NR3C1: variants seen among roughly 807,000 people sequenced by gnomAD.
The protein encoded by NR3C1 is glucocorticoid receptor.
NR3C1 carries 14 observed loss-of-function variants against 74.0 expected under a neutral mutation model. The ratio of observed to expected loss-of-function variants is 0.19; its 90% CI spans 0.12 to 0.30. The LOEUF is 0.30. Among genes scored for constraint, NR3C1 ranks in the 10% least tolerant of loss-of-function variants. The pLI is 1.00. For synonymous variants in NR3C1, 308 were observed against 332.5 expected, an observed-to-expected ratio of 0.93 and a Z score of 0.80; for missense variants, 695 against 909.8, an observed-to-expected ratio of 0.76 and a Z score of 3.04.
At chr5:143,393,396 A>G (rs1256246985) in intron 2 of NR3C1, among the ~76,000 whole-genome samples, 2 of 152,158 alleles carry the variant, frequency 1.3e-5, no homozygotes, top group Non-Finnish European at 2.9e-5. Flanking sequence ...AGTTGTAAAG[A>G]AAGTATTTTT....
intron 7 of NR3C1, among the ~76,000 whole-genome samples, chr5:143,284,394 G>A (rs376975220): frequency 1.3e-5 from 2 of 152,106 alleles, no homozygotes; most frequent in Non-Finnish European, 2.9e-5. Context: ...CAAGACATCA[G>A]TATTAACATG....
At chr5:143,341,912 G>A (rs952945968) in intron 2 of NR3C1, among the ~76,000 whole-genome samples, 1 of 152,116 alleles carries the variant, frequency 6.6e-6, no homozygotes, top group African/African-American at 2.4e-5. Context: ...AATACAGAGA[G>A]GGAGGAGGGG....
chr5:143,391,993 ACTCG>A (rs1838318123), intron 2 of NR3C1, among the ~76,000 whole-genome samples: 1 of 148,798 alleles, frequency 6.7e-6, no homozygotes, highest in Non-Finnish European at 1.5e-5. Flanking sequence ...TGAGACGGAG[ACTCG>A]CTCTGTCGCC....
intron 2 of NR3C1, among the ~76,000 whole-genome samples, chr5:143,314,631 A>AT (rs1434653004): frequency 3.9e-5 from 6 of 152,032 alleles, no homozygotes; most frequent in African/African-American, 1.4e-4. Context: ...TTAGGCCATA[A>AT]TTTTTTTCCT....
At position 143,400,648 on chromosome 5, in the gene NR3C1, A is replaced by C. The variant is rs924576585; in HGVS notation, c.192T>G (p.Asp64Glu). 9.3e-6 allele frequency: 15 copies of C among 1,613,900 alleles called. No homozygotes were observed. Among genetic ancestry groups the C allele is most frequent in the Middle Eastern group, 1.6e-4 (1 of 6,084 alleles). The change falls in exon 2 of 9, where the codon GAT (aspartate) becomes GAG (glutamate). Residue 64 changes from aspartate (D) to glutamate (E), a missense_variant. Transcript: ENST00000394464. ...SDSKQRRLLV[D>E]FPKGSVSNAQ... Reference sequence around the variant, plus strand: ...CATTGCTTACTGAGCCTTTTGGAAAATCAACCAAAAGTCTTCGCTGCTTGG... The same window carrying C: ...CATTGCTTACTGAGCCTTTTGGAAACTCAACCAAAAGTCTTCGCTGCTTGG...
intron 7 of NR3C1, 42 bp from the exon 8 acceptor site, chr5:143,282,767 CTTTTCTTTTCTTTTTT>C (rs780915506): frequency 1.4e-6 from 2 of 1,480,192 alleles, no homozygotes; most frequent in South Asian, 1.3e-5. Context: ...TTTTCTTTTT[CTTTTCTTTTCTTTTTT>C]TTTTTTTTTT....
At chr5:143,435,013 A>G in exon 1 of NR3C1, 1 of 985,068 alleles carries the variant, frequency 1.0e-6, no homozygotes, top group Non-Finnish European at 1.2e-6. Flanking sequence ...TGAATTTCCT[A>G]GTTCAGCTCA....
chr5:143,405,098 C>T, upstream of NR3C1: 1 of 985,316 alleles, frequency 1.0e-6, no homozygotes, highest in Non-Finnish European at 1.2e-6. Context: ...GCTCCCTTCC[C>T]CAGCTCGCCG....
Position 143,340,656 on chromosome 5 carries a change from T to C in NR3C1, c.1185-26488A>G, listed in dbSNP as rs369763622. Among the ~76,000 whole-genome samples the C allele has an allele frequency of 6.3e-4, 95 of 151,898 alleles. 1 individual carries two copies. Among genetic ancestry groups the C allele is most frequent in the African/African-American group, 2.2e-3 (91 of 41,400 alleles). On this transcript the variant is annotated intron_variant, in intron 2 of 8. Coordinates refer to ENST00000394464, the MANE Select transcript of NR3C1 (RefSeq NM_000176.3). ...CGCCACCACGCCCAGCTATTTTTTG[T>C]ATTTTTAGTAGAGACAGGGTTTCAC...
At chr5:143,329,042 C>T (rs1042512965) in intron 2 of NR3C1, among the ~76,000 whole-genome samples, 3 of 152,138 alleles carry the variant, frequency 2.0e-5, no homozygotes, top group Admixed American at 6.6e-5. Flanking sequence ...CCTGCCAGTA[C>T]CAATTCTCTG....
At chr5:143,401,685 AT>A (rs1026537115) in intron 1 of NR3C1, among the ~76,000 whole-genome samples, 1 of 152,234 alleles carries the variant, frequency 6.6e-6, no homozygotes, top group African/African-American at 2.4e-5. Flanking sequence ...ATTAAGCTAC[AT>A]TTGTTTACAT....
intron 2 of NR3C1, among the ~76,000 whole-genome samples, chr5:143,337,869 T>C (rs1026346836): frequency 6.6e-6 from 1 of 152,202 alleles, no homozygotes; most frequent in Non-Finnish European, 1.5e-5. Flanking sequence ...CGATCACATT[T>C]GTCAGGGCAG....
chr5:143,404,283 C>G (rs1484446281), upstream of NR3C1: 1 of 985,574 alleles, frequency 1.0e-6, no homozygotes, highest in Non-Finnish European at 1.2e-6. Flanking sequence ...GGTGCCGCAG[C>G]GTCTCGGCCG....
upstream of NR3C1, chr5:143,403,849 G>A: frequency 1.0e-6 from 1 of 971,300 alleles, no homozygotes; most frequent in East Asian, 1.1e-4. Flanking sequence ...CTCCGCGCGG[G>A]CCCCGCCACC....
At chr5:143,427,216 T>G (rs981634362) in intron 1 of NR3C1, among the ~76,000 whole-genome samples, 1 of 152,136 alleles carries the variant, frequency 6.6e-6, no homozygotes, top group Non-Finnish European at 1.5e-5. Flanking sequence ...ACTCCAGATA[T>G]AGCTTAGTAT....
chr5:143,282,851 C>T, intron 7 of NR3C1, 126 bp from the exon 8 acceptor site: 2 of 989,546 alleles, frequency 2.0e-6, no homozygotes, highest in Non-Finnish European at 3.0e-6. Flanking sequence ...ATAATCATAG[C>T]TCACTGGAGC....
At chr5:143,405,236 C>G, upstream of NR3C1, 1 of 985,776 alleles carries the variant, frequency 1.0e-6, no homozygotes, top group Non-Finnish European at 1.2e-6. Flanking sequence ...CTTTTGCGCC[C>G]CCACAGGTGA....
At chr5:143,371,324 C>T (rs1336552832) in intron 2 of NR3C1, among the ~76,000 whole-genome samples, 1 of 152,190 alleles carries the variant, frequency 6.6e-6, no homozygotes, top group East Asian at 1.9e-4. Flanking sequence ...GAAAAGACTG[C>T]TCTTGCTTTT....
At chr5:143,432,379 A>T (rs951087215) in intron 1 of NR3C1, among the ~76,000 whole-genome samples, 10 of 152,146 alleles carry the variant, frequency 6.6e-5, no homozygotes, top group African/African-American at 2.4e-4. Flanking sequence ...GGTGATGGTG[A>T]CTGTGGTGGC....
Sources: gnomAD v4.1 joint callset for allele counts (sites outside exome capture counted in the v4.1 genomes callset) on GRCh38, gnomAD v4.1.1 for gene constraint, MANE v1.5 for transcripts, NCBI Gene and HGNC (gene_info 2026-07-23, HGNC 2026-07-21) for gene names.